Variants in ULK4 observed in about 807,000 individuals in gnomAD.
ULK4 encodes unc-51 like kinase 4.
Under a neutral mutation model 160.6 loss-of-function variants are expected in ULK4, and 133 were observed. The observed-to-expected ratio is 0.83, with a 90% CI of 0.72 to 0.96. ULK4 has a LOEUF of 0.96. Among genes scored for constraint, ULK4 ranks in the 40% least tolerant of loss-of-function variants. The pLI, the probability that ULK4 is intolerant of heterozygous loss-of-function variation, is 0.00. For synonymous variants in ULK4, 534 were observed against 539.8 expected, an observed-to-expected ratio of 0.99 and a Z score of 0.15; for missense variants, 1,580 against 1,499.5, an observed-to-expected ratio of 1.05 and a Z score of -0.89.
chr3:41,883,847 T>A (rs766805113), intron 17 of ULK4, 27 bp downstream of exon 17: 118 of 1,551,154 alleles, frequency 7.6e-5, no homozygotes, highest in Non-Finnish European at 1.0e-4. Context: ...TTGACATTCA[T>A]CACATTTAAG....
At chr3:41,353,417 T>C (rs970501225) in intron 35 of ULK4, among the ~76,000 whole-genome samples, 1 of 152,068 alleles carries the variant, frequency 6.6e-6, no homozygotes, top group Admixed American at 6.6e-5. Context: ...TGCCTGTAAT[T>C]TCAGCATTTT....
chr3:41,709,045 T>G (rs2037000316), intron 25 of ULK4, among the ~76,000 whole-genome samples: 1 of 152,226 alleles, frequency 6.6e-6, no homozygotes, highest in South Asian at 2.1e-4. Flanking sequence ...AACAATTGTT[T>G]CTACAATACA....
chr3:41,570,757 C>G (rs545029919), intron 31 of ULK4, among the ~76,000 whole-genome samples: 3 of 152,132 alleles, frequency 2.0e-5, no homozygotes, highest in Non-Finnish European at 2.9e-5. Flanking sequence ...GTACTTCCTT[C>G]AATACAAAAG....
Position 41,898,507 on chromosome 3 carries a change from A to T in ULK4, c.1288-15T>A. 6.5e-7 allele frequency: 1 copy of T among 1,548,898 alleles called. No individual in the cohort carries two copies. The highest frequency in any genetic ancestry group is 8.8e-7 in the Non-Finnish European group (1 of 1,135,324). On this transcript the variant is annotated splice_polypyrimidine_tract_variant and intron_variant, in intron 13 of 36. Coordinates refer to ENST00000301831, the MANE Select transcript of ULK4 (RefSeq NM_017886.4). ...TGTTTCATTATCTGTGGTTTAAAAA[A>T]AAAGAAAGCTTTTGAGACAATTTTT... is the stretch of plus-strand genomic sequence containing the variant.
intron 32 of ULK4, among the ~76,000 whole-genome samples, chr3:41,507,612 C>CA (rs71075473): frequency 1.9e-3 from 141 of 75,268 alleles, no homozygotes; most frequent in Admixed American, 0.014. Context: ...AAACCACCAC[C>CA]AAAAAAAAAA....
intron 35 of ULK4, among the ~76,000 whole-genome samples, chr3:41,357,450 TAAGAGTGG>T (rs2081051589): frequency 6.6e-6 from 1 of 152,076 alleles, no homozygotes; most frequent in Non-Finnish European, 1.5e-5. Context: ...CCCCACAGCC[TAAGAGTGG>T]GTGGGAGCCA....
At chr3:41,928,751 A>T (rs1223475808) in intron 5 of ULK4, among the ~76,000 whole-genome samples, 1 of 152,178 alleles carries the variant, frequency 6.6e-6, no homozygotes, top group Non-Finnish European at 1.5e-5. Flanking sequence ...GAAATGGATA[A>T]ATTCCTGGAC....
At chr3:41,358,614 G>C (rs182846950) in intron 35 of ULK4, among the ~76,000 whole-genome samples, 64 of 152,266 alleles carry the variant, frequency 4.2e-4, no homozygotes, top group African/African-American at 1.5e-3. Flanking sequence ...AAAAGGCCTA[G>C]GGGTACAAGT....
At chr3:41,839,700 A>C (rs1481278629) in intron 17 of ULK4, among the ~76,000 whole-genome samples, 1 of 152,130 alleles carries the variant, frequency 6.6e-6, no homozygotes, top group Non-Finnish European at 1.5e-5. Flanking sequence ...AAGAGTCTAA[A>C]GAAAAAAACT....
intron 32 of ULK4, among the ~76,000 whole-genome samples, chr3:41,496,608 C>G (rs1272557231): frequency 1.3e-5 from 2 of 152,074 alleles, no homozygotes; most frequent in East Asian, 3.9e-4. Context: ...TGGAGCTGCT[C>G]AGAAAGGACA....
chr3:41,417,751 C>A (rs529814496), intron 34 of ULK4, among the ~76,000 whole-genome samples: 1 of 152,292 alleles, frequency 6.6e-6, no homozygotes, highest in Non-Finnish European at 1.5e-5. Flanking sequence ...TCGCTTCTCA[C>A]TGGCTTGACT....
intron 30 of ULK4, among the ~76,000 whole-genome samples, chr3:41,627,771 G>GATGT (rs2033586753): frequency 6.6e-6 from 1 of 152,166 alleles, no homozygotes. Context: ...GTATGCACAG[G>GATGT]ATGTAAGGGA....
chr3:41,816,685 A>G (rs9878453), intron 19 of ULK4, among the ~76,000 whole-genome samples: 144 of 151,866 alleles, frequency 9.5e-4, no homozygotes, highest in African/African-American at 3.3e-3. Flanking sequence ...AGTAGTATGC[A>G]TGTGTAGTCC....
intron 35 of ULK4, among the ~76,000 whole-genome samples, chr3:41,273,202 A>G (rs1478398797): frequency 6.6e-6 from 1 of 152,216 alleles, no homozygotes; most frequent in African/African-American, 2.4e-5. Flanking sequence ...CTGAATTACT[A>G]GAAACATTTT....
At chr3:41,861,683 T>C (rs540738956) in intron 17 of ULK4, among the ~76,000 whole-genome samples, 26 of 152,318 alleles carry the variant, frequency 1.7e-4, no homozygotes, top group African/African-American at 5.8e-4. Flanking sequence ...GACACTGACA[T>C]CTTTCTCTAG....
intron 32 of ULK4, among the ~76,000 whole-genome samples, chr3:41,554,911 C>T (rs1294308277): frequency 1.3e-5 from 2 of 151,964 alleles, no homozygotes; most frequent in African/African-American, 4.8e-5. Context: ...CATTTCAAAG[C>T]AACGCTAGAC....
chr3:41,715,602 T>C (rs749200166), intron 23 of ULK4, 34 bp from the exon 24 acceptor site: 2 of 1,613,012 alleles, frequency 1.2e-6, no homozygotes, highest in African/African-American at 2.7e-5. Context: ...ATGTGGAGGT[T>C]AAAAACCACA....
At chr3:41,435,899 G>A (rs1336391357) in intron 34 of ULK4, among the ~76,000 whole-genome samples, 2 of 152,098 alleles carry the variant, frequency 1.3e-5, no homozygotes, top group African/African-American at 4.8e-5. Flanking sequence ...AGTGAGCAAA[G>A]ATTGCGCCAT....
rs1698628095 is a variant in ULK4, at chr3:41,907,845, C to T, written c.1182G>A (p.Lys394=). 4 of 1,567,538 alleles carry T rather than the reference C, an allele frequency of 2.6e-6. No homozygotes were observed. The highest frequency in any genetic ancestry group is 2.3e-5 in the East Asian group (1 of 42,578). ...AAGAAAATTTCCCAAGTCTGCTCACCTTGGTCAGAGGAGAAGTCTTCTGTG... is the reference window on the plus strand; with the variant it reads ...AAGAAAATTTCCCAAGTCTGCTCACTTTGGTCAGAGGAGAAGTCTTCTGTG... ...CSPQKTSPLT[K]ITSGHLSQQD... The change falls in exon 12 of 37, where the codon AAG becomes AAA. Residue 394 remains lysine (K), a splice_region_variant and synonymous_variant. Transcript: ENST00000301831.
Sources: gnomAD v4.1 joint callset for allele counts (sites outside exome capture counted in the v4.1 genomes callset) on GRCh38, gnomAD v4.1.1 for gene constraint, MANE v1.5 for transcripts, NCBI Gene and HGNC (gene_info 2026-07-23, HGNC 2026-07-21) for gene names.